The following EXOC4 variants were observed in gnomAD, a reference collection of about 807,000 sequenced individuals.
EXOC4 encodes SEC8-like 1.
In EXOC4, 71 loss-of-function variants were observed where a neutral mutation model predicts 107.2. The observed-to-expected ratio is 0.66, with a 90% CI of 0.55 to 0.81. The LOEUF is 0.81. Among genes scored for constraint, EXOC4 ranks in the 30% least tolerant of loss-of-function variants. The pLI, the probability that EXOC4 is intolerant of heterozygous loss-of-function variation, is 0.00. For missense variants in EXOC4, 1,108 were observed against 1,189.6 expected, an observed-to-expected ratio of 0.93 and a Z score of 1.01; for synonymous variants, 456 against 441.2, an observed-to-expected ratio of 1.03 and a Z score of -0.42.
chr7:133,816,049 C>A (rs983689822), intron 10 of EXOC4, among the ~76,000 whole-genome samples: 2 of 152,156 alleles, frequency 1.3e-5, no homozygotes, highest in African/African-American at 4.8e-5. Context: ...GCACAGTGAC[C>A]AGTTGCTAAT....
intron 7 of EXOC4, among the ~76,000 whole-genome samples, chr7:133,380,953 C>T (rs1242592320): frequency 8.5e-5 from 13 of 152,172 alleles, no homozygotes; most frequent in African/African-American, 3.1e-4. Flanking sequence ...CTTGCTTTCT[C>T]TTTCCGCACT....
rs189570627 is a variant in EXOC4, at chr7:133,677,922, A to G, written c.1514+47781A>G. On this transcript the variant is annotated intron_variant, in intron 10 of 17. Transcript: ENST00000253861. ...TTAGGATGTTTATTGAATGTCCTAT[A>G]ATGTGTTCAACAGTGTACTGTTGTT... Among the ~76,000 whole-genome samples the G allele has an allele frequency of 2.6e-5, 4 of 152,258 alleles. No individual in the cohort carries two copies. The East Asian group carries it at 7.7e-4, about 29-fold the overall frequency.
intron 5 of EXOC4, among the ~76,000 whole-genome samples, chr7:133,342,848 G>A (rs2150629368): frequency 6.6e-6 from 1 of 152,202 alleles, no homozygotes; most frequent in South Asian, 2.1e-4. Context: ...ATCTCTGAGT[G>A]TGTCTTTTAT....
chr7:133,939,888 A>G (rs567692567), intron 14 of EXOC4, among the ~76,000 whole-genome samples: 9 of 152,296 alleles, frequency 5.9e-5, no homozygotes, highest in African/African-American at 2.2e-4. Context: ...TTGTCTCCCA[A>G]ACCCACTCTG....
At chr7:133,284,461 A>G (rs989660279) in intron 2 of EXOC4, among the ~76,000 whole-genome samples, 3 of 152,228 alleles carry the variant, frequency 2.0e-5, no homozygotes, top group Non-Finnish European at 2.9e-5. Context: ...TAATAGCTGG[A>G]GTCCTTAACT....
chr7:133,506,735 AT>A (rs772785743), intron 9 of EXOC4, among the ~76,000 whole-genome samples: 10 of 152,100 alleles, frequency 6.6e-5, no homozygotes, highest in African/African-American at 1.9e-4. Context: ...TAATATTACC[AT>A]TTTTTTAATT....
intron 10 of EXOC4, among the ~76,000 whole-genome samples, chr7:133,701,814 AC>A (rs546461934): frequency 1.9e-4 from 29 of 152,230 alleles, no homozygotes; most frequent in Non-Finnish European, 3.5e-4. Flanking sequence ...ATATACACAT[AC>A]CCTGAAGGTA....
intron 7 of EXOC4, among the ~76,000 whole-genome samples, chr7:133,435,404 C>G (rs1212628520): frequency 6.6e-6 from 1 of 152,106 alleles, no homozygotes; most frequent in Non-Finnish European, 1.5e-5. Flanking sequence ...AGACAAGCTC[C>G]TCTTGCTAAG....
chr7:133,919,598 G>A (rs748099511), intron 13 of EXOC4, among the ~76,000 whole-genome samples: 5 of 151,990 alleles, frequency 3.3e-5, no homozygotes, highest in Non-Finnish European at 5.9e-5. Flanking sequence ...CCATAGTTTC[G>A]TCTTTTGCAG....
chr7:134,083,816 G>T, the EXOC4 span, among the ~76,000 whole-genome samples: 1 of 152,162 alleles, frequency 6.6e-6, no homozygotes, highest in African/African-American at 2.4e-5. Flanking sequence ...CTCTCAACAG[G>T]AGGAATATCA....
At chr7:133,761,088 G>A (rs1021443124) in intron 10 of EXOC4, among the ~76,000 whole-genome samples, 1 of 152,172 alleles carries the variant, frequency 6.6e-6, no homozygotes, top group African/African-American at 2.4e-5. Flanking sequence ...TAAGAATTTA[G>A]TATTAACAAT....
At chr7:133,603,019 T>C (rs984562573) in intron 9 of EXOC4, among the ~76,000 whole-genome samples, 4 of 152,220 alleles carry the variant, frequency 2.6e-5, no homozygotes, top group African/African-American at 9.6e-5. Flanking sequence ...GTTAATGATA[T>C]GCTCTTTTCC....
At chr7:133,563,999 A>G (rs980752227) in intron 9 of EXOC4, among the ~76,000 whole-genome samples, 1 of 152,200 alleles carries the variant, frequency 6.6e-6, no homozygotes. Flanking sequence ...TCTTGTTGAC[A>G]TATGAGTATG....
At chr7:133,809,555 A>C (rs1797165492) in intron 10 of EXOC4, among the ~76,000 whole-genome samples, 1 of 152,236 alleles carries the variant, frequency 6.6e-6, no homozygotes, top group African/African-American at 2.4e-5. Flanking sequence ...GAAAACATGT[A>C]AGAGGAAATG....
intron 2 of EXOC4, among the ~76,000 whole-genome samples, chr7:133,277,106 C>T (rs1244190667): frequency 6.6e-6 from 1 of 152,114 alleles, no homozygotes; most frequent in Non-Finnish European, 1.5e-5. Flanking sequence ...GGATTACAGG[C>T]ATGCGCCACC....
rs1388997117 is a variant in EXOC4 at position 133,392,646 on chromosome 7, A to G, written c.1182+17644A>G. 2.6e-5 allele frequency among the ~76,000 whole-genome samples: 4 copies of G among 152,212 alleles called. No individual in the cohort carries two copies. In the East Asian group the frequency reaches 7.7e-4, roughly 29 times the overall value. Reference sequence around the variant, plus strand: ...CAGACTTTTACTGTGTCCTGTAGAAATGTGAAAAATTTCAGGTTCCTGGAT... The same window carrying G: ...CAGACTTTTACTGTGTCCTGTAGAAGTGTGAAAAATTTCAGGTTCCTGGAT... On this transcript the variant is annotated intron_variant, in intron 7 of 17. Coordinates refer to ENST00000253861, the MANE Select transcript of EXOC4 (RefSeq NM_021807.4).
At chr7:133,558,236 CTTTT>C (rs1800739916) in intron 9 of EXOC4, among the ~76,000 whole-genome samples, 1 of 147,956 alleles carries the variant, frequency 6.8e-6, no homozygotes, top group Admixed American at 6.8e-5. Context: ...CTTTTCTTTT[CTTTT>C]CTTTTCTTTT....
chr7:133,623,010 A>G (rs753889778), intron 9 of EXOC4, among the ~76,000 whole-genome samples: 2 of 152,112 alleles, frequency 1.3e-5, no homozygotes, highest in African/African-American at 2.4e-5. Context: ...TTTCATCTCT[A>G]TGGTAGATAA....
At chr7:133,672,927 A>G (rs747391307) in intron 10 of EXOC4, among the ~76,000 whole-genome samples, 1 of 152,146 alleles carries the variant, frequency 6.6e-6, no homozygotes, top group African/African-American at 2.4e-5. Flanking sequence ...TTAATGGGTT[A>G]CTCGATTAGC....
Sources: gnomAD v4.1 joint callset for allele counts (sites outside exome capture counted in the v4.1 genomes callset) on GRCh38, gnomAD v4.1.1 for gene constraint, MANE v1.5 for transcripts, NCBI Gene and HGNC (gene_info 2026-07-23, HGNC 2026-07-21) for gene names.